The following EFEMP1 variants were observed in gnomAD, a reference collection of about 807,000 sequenced individuals.
The protein encoded by EFEMP1 is EGF-like fibulin extracellular matrix protein 1.
In EFEMP1, 18 loss-of-function variants were observed where a neutral mutation model predicts 65.7. The ratio of observed to expected loss-of-function variants is 0.27; its 90% CI spans 0.19 to 0.41. The LOEUF is 0.41. EFEMP1 is among the 10% of genes least tolerant of loss of function. EFEMP1 has a pLI of 1.00. For missense variants in EFEMP1, 469 were observed against 624.8 expected, an observed-to-expected ratio of 0.75 and a Z score of 2.66; for synonymous variants, 237 against 219.7, an observed-to-expected ratio of 1.08 and a Z score of -0.70.
Position 55,871,185 on chromosome 2 carries a change from A to G in EFEMP1, c.1001-62T>C. ...ACTAATGAACTGATCTAATTAAATC[A>G]TATAACTGGCAGATTCTGTTTGCAA... is the stretch of plus-strand genomic sequence containing the variant. On this transcript the variant is annotated intron_variant, in intron 9 of 11. Transcript: ENST00000355426. The surrounding 1 kb of genome is among the most constrained non-coding windows in gnomAD (Gnocchi z 4.2). The G allele has an allele frequency of 2.5e-6, 4 of 1,607,944 alleles. No individual in the cohort carries two copies. Among genetic ancestry groups the G allele is most frequent in the Non-Finnish European group, 3.4e-6 (4 of 1,177,516 alleles).
At position 55,922,272 on chromosome 2, in the gene EFEMP1, C is replaced by T; in HGVS notation, c.81+88G>A. On this transcript the variant is annotated intron_variant, in intron 3 of 11. Coordinates refer to ENST00000355426, the MANE Select transcript of EFEMP1 (RefSeq NM_001039348.3). This position sits in a 1 kb window ranked among gnomAD's most constrained non-coding sequence, Gnocchi z 5.5. ...TTTATCACCCTCAGCAGAGTATAGC[C>T]CAAATACACTGGCAGGGGTGTGTAA... is the stretch of plus-strand genomic sequence containing the variant. 8.3e-7 allele frequency: 1 copy of T among 1,205,400 alleles called. No individual in the cohort carries two copies. The highest frequency in any genetic ancestry group is 1.2e-6 in the Non-Finnish European group (1 of 811,246). The allele number at this position is 1,205,400 out of a possible 1,614,324, so 74.7% of individuals were successfully genotyped here.
chr2:55,896,103 G>C (rs1257061111), intron 5 of EFEMP1, among the ~76,000 whole-genome samples: 1 of 152,194 alleles, frequency 6.6e-6, no homozygotes, highest in Non-Finnish European at 1.5e-5. Context: ...ACTTGTTGAA[G>C]GTAGCAATTG....
chr2:55,887,844 A>G (rs1669477211), intron 5 of EFEMP1, among the ~76,000 whole-genome samples: 1 of 152,224 alleles, frequency 6.6e-6, no homozygotes. Context: ...AGCCCTTGGC[A>G]TTGCATTGTG....
At chr2:55,912,580 T>A (rs1456271490) in intron 5 of EFEMP1, among the ~76,000 whole-genome samples, 3 of 152,206 alleles carry the variant, frequency 2.0e-5, no homozygotes, top group Admixed American at 1.3e-4. Flanking sequence ...CTTATGTTTA[T>A]AAAGAAATAT....
Position 55,877,871 on chromosome 2 carries a change from T to C in EFEMP1, c.641-6A>G. The C allele has an allele frequency of 6.2e-7, 1 of 1,612,836 alleles. No individual in the cohort carries two copies. Among genetic ancestry groups the C allele is most frequent in the Non-Finnish European group, 8.5e-7 (1 of 1,179,036 alleles). On this transcript the variant is annotated splice_region_variant and splice_polypyrimidine_tract_variant and intron_variant, in intron 6 of 11. Coordinates refer to ENST00000355426, the MANE Select transcript of EFEMP1 (RefSeq NM_001039348.3). The surrounding 1 kb of genome is among the most constrained non-coding windows in gnomAD (Gnocchi z 4.5). ...GATGGTACATTCATCTATGTCTAGG[T>C]TATCAGGCACACACACAAAGAGAAC...
chr2:55,887,445 T>C (rs1669463818), intron 5 of EFEMP1, among the ~76,000 whole-genome samples: 1 of 152,208 alleles, frequency 6.6e-6, no homozygotes. Flanking sequence ...TCCCCAGTTT[T>C]TAGCCAATTA....
chr2:55,869,356 G>A (rs1006788067), intron 11 of EFEMP1, among the ~76,000 whole-genome samples: 4 of 152,072 alleles, frequency 2.6e-5, no homozygotes, highest in Non-Finnish European at 2.9e-5. Flanking sequence ...TATCTGAATT[G>A]TGTAAAATTC....
intron 5 of EFEMP1, among the ~76,000 whole-genome samples, chr2:55,902,797 T>C (rs1339237208): frequency 6.6e-6 from 1 of 152,232 alleles, no homozygotes; most frequent in Non-Finnish European, 1.5e-5. Flanking sequence ...GATTTTGACT[T>C]GCCTCGGTAT....
At chr2:55,888,334 CT>C (rs71713705) in intron 5 of EFEMP1, among the ~76,000 whole-genome samples, 1,258 of 114,224 alleles carry the variant, frequency 0.011, 4 homozygotes, top group African/African-American at 0.038. Flanking sequence ...CCTTCTTAAA[CT>C]TTTTTTTTTT....
intron 5 of EFEMP1, among the ~76,000 whole-genome samples, chr2:55,909,736 C>T (rs1324466487): frequency 2.0e-5 from 3 of 152,156 alleles, no homozygotes; most frequent in Admixed American, 6.5e-5. Context: ...CTACCTGTGT[C>T]ACATACTAGT....
At chr2:55,890,499 A>G (rs1222388606) in intron 5 of EFEMP1, among the ~76,000 whole-genome samples, 1 of 152,152 alleles carries the variant, frequency 6.6e-6, no homozygotes, top group East Asian at 1.9e-4. Flanking sequence ...TACAGAATAC[A>G]TAGCCTTTTT....
chr2:55,918,033 A>T lies in EFEMP1; in HGVS notation c.149T>A (p.Ile50Asn). ...QQCKDIDECDIVPDACKGGMK... is the reference protein window; with the variant it reads ...QQCKDIDECDNVPDACKGGMK... ...TCCACCTTTACAAGCGTCTGGGACA[A>T]TGTCACATTCATCAATATCTGTGGT... is the stretch of plus-strand genomic sequence containing the variant. Residue 50 changes from isoleucine (I) to asparagine (N), a missense_variant, in exon 5 of 12, where the codon ATT becomes AAT. Transcript: ENST00000355426. 1.2e-6 allele frequency: 2 copies of T among 1,614,238 alleles called. No homozygotes were observed. The highest frequency in any genetic ancestry group is 1.7e-6 in the Non-Finnish European group (2 of 1,180,044).
chr2:55,890,415 T>A (rs1669588489), intron 5 of EFEMP1, among the ~76,000 whole-genome samples: 2 of 152,106 alleles, frequency 1.3e-5, no homozygotes, highest in Non-Finnish European at 2.9e-5. Context: ...ATTGAAAGAA[T>A]AAATACATGT....
At chr2:55,889,545 A>G (rs1047505272) in intron 5 of EFEMP1, among the ~76,000 whole-genome samples, 4 of 152,196 alleles carry the variant, frequency 2.6e-5, no homozygotes, top group Non-Finnish European at 4.4e-5. Flanking sequence ...TTGATTCAAA[A>G]TTCCAGCACA....
intron 5 of EFEMP1, among the ~76,000 whole-genome samples, chr2:55,900,305 C>A (rs1669981943): frequency 6.9e-6 from 1 of 144,494 alleles, no homozygotes; most frequent in African/African-American, 2.5e-5. Flanking sequence ...GATCTGACTG[C>A]CCCCACGATC....
intron 5 of EFEMP1, among the ~76,000 whole-genome samples, chr2:55,912,881 C>T (rs576477900): frequency 1.4e-4 from 21 of 152,176 alleles, no homozygotes; most frequent in African/African-American, 4.8e-4. Flanking sequence ...AGATTGCTAA[C>T]TTTCCCATGG....
Position 55,874,926 on chromosome 2 carries a change from G to GAAA in EFEMP1, c.1000+17_1000+19dup. ...GGCTAAAACTAAATACCTAACATAT[G>GAAA]AAAAAAAAAATAAACTTACCTTGAC... On this transcript the variant is annotated intron_variant, in intron 9 of 11. Coordinates refer to ENST00000355426, the MANE Select transcript of EFEMP1 (RefSeq NM_001039348.3). The GAAA allele has an allele frequency of 6.6e-7, 1 of 1,508,188 alleles. No individual in the cohort carries two copies. The highest frequency in any genetic ancestry group is 9.0e-7 in the Non-Finnish European group (1 of 1,105,524). The allele number at this position is 1,508,188 out of a possible 1,614,324, so 93.4% of individuals were successfully genotyped here.
chr2:55,906,360 A>G (rs1385731579), intron 5 of EFEMP1, among the ~76,000 whole-genome samples: 15 of 151,934 alleles, frequency 9.9e-5, no homozygotes, highest in Non-Finnish European at 1.9e-4. Flanking sequence ...AGTAGCTGGG[A>G]TTACAGGCAT....
chr2:55,879,335 A>G (rs1669151204), intron 6 of EFEMP1, among the ~76,000 whole-genome samples: 3 of 152,320 alleles, frequency 2.0e-5, no homozygotes, highest in Admixed American at 1.3e-4. Flanking sequence ...CCTAGTCCTC[A>G]GTACTATCAT....
Sources: allele counts gnomAD v4.1 joint callset (sites outside exome capture counted in the v4.1 genomes callset), GRCh38; gene constraint gnomAD v4.1.1; non-coding constraint Gnocchi (gnomAD v3.1); transcripts MANE v1.5; gene names NCBI Gene and HGNC (gene_info 2026-07-23, HGNC 2026-07-21).